CNNM2: variants seen among roughly 807,000 people sequenced by gnomAD.
The protein encoded by CNNM2 is metal transporter CNNM2.
In CNNM2, 12 loss-of-function variants were observed where a neutral mutation model predicts 66.9. The ratio of observed to expected loss-of-function variants is 0.18; its 90% CI spans 0.11 to 0.29. CNNM2 has a LOEUF of 0.29. Ranked by LOEUF, CNNM2 falls within the 10% of genes least tolerant of loss-of-function variation. The pLI is 1.00. For missense variants in CNNM2, 705 were observed against 1,167.7 expected, an observed-to-expected ratio of 0.60 and a Z score of 5.77; for synonymous variants, 557 against 501.8, an observed-to-expected ratio of 1.11 and a Z score of -1.47.
At chr10:103,034,382 G>T (rs2064890165) in intron 1 of CNNM2, among the ~76,000 whole-genome samples, 1 of 151,658 alleles carries the variant, frequency 6.6e-6, no homozygotes, top group Non-Finnish European at 1.5e-5. Flanking sequence ...CTTCAAGCAG[G>T]TTTAAAAACC....
rs78214351 is a variant in CNNM2, at chr10:103,062,931, A to G, written c.2074-5698A>G. On this transcript the variant is annotated intron_variant, in intron 4 of 7. Transcript: ENST00000369878. ...CTTGTTGAACGGCAGATCCTTCAGTATGAAACGAATGCTTCAGTAGGTCTG... is the reference window on the plus strand; with the variant it reads ...CTTGTTGAACGGCAGATCCTTCAGTGTGAAACGAATGCTTCAGTAGGTCTG... Among the ~76,000 whole-genome samples the G allele has an allele frequency of 0.11, 16,026 of 152,266 alleles. 868 individuals are homozygous for G. The highest frequency in any genetic ancestry group is 0.18 in the Middle Eastern group (52 of 294).
At chr10:102,988,479 A>G (rs1384440057) in intron 1 of CNNM2, among the ~76,000 whole-genome samples, 2 of 152,166 alleles carry the variant, frequency 1.3e-5, no homozygotes, top group African/African-American at 4.8e-5. Flanking sequence ...GAAATTCTAT[A>G]GGTCTGGGAT....
chr10:102,947,389 G>C (rs1455554509), intron 1 of CNNM2, among the ~76,000 whole-genome samples: 3 of 152,150 alleles, frequency 2.0e-5, no homozygotes, highest in Admixed American at 6.6e-5. Flanking sequence ...TCATTGTGAT[G>C]ATGTTATATA....
chr10:103,056,160 A>T (rs1160147444), intron 3 of CNNM2, among the ~76,000 whole-genome samples: 2 of 152,136 alleles, frequency 1.3e-5, no homozygotes, highest in African/African-American at 2.4e-5. Flanking sequence ...CTGAGATATC[A>T]TAGAGTCCAG....
intron 4 of CNNM2, among the ~76,000 whole-genome samples, chr10:103,058,442 A>G (rs2134344479): frequency 6.6e-6 from 1 of 152,338 alleles, no homozygotes; most frequent in African/African-American, 2.4e-5. Context: ...TTAATATTAG[A>G]AACTGTGGTT....
intron 1 of CNNM2, among the ~76,000 whole-genome samples, chr10:102,942,703 T>C (rs1487626755): frequency 1.3e-5 from 2 of 152,212 alleles, no homozygotes; most frequent in Non-Finnish European, 2.9e-5. Flanking sequence ...GGTCATATAG[T>C]AATTCTATTC....
chr10:103,021,768 C>A (rs1260837529), intron 1 of CNNM2, among the ~76,000 whole-genome samples: 1 of 148,574 alleles, frequency 6.7e-6, no homozygotes, highest in Non-Finnish European at 1.5e-5. Flanking sequence ...CCCCAGAATA[C>A]AACTCTATGG....
intron 5 of CNNM2, among the ~76,000 whole-genome samples, chr10:103,071,426 C>T (rs1359618810): frequency 6.6e-6 from 1 of 152,168 alleles, no homozygotes; most frequent in Non-Finnish European, 1.5e-5. Flanking sequence ...GCTCTTAGGG[C>T]AGTTGACTAA....
At chr10:103,018,478 T>C (rs1418757893) in intron 1 of CNNM2, among the ~76,000 whole-genome samples, 1 of 152,056 alleles carries the variant, frequency 6.6e-6, no homozygotes, top group Non-Finnish European at 1.5e-5. Flanking sequence ...CACCAGCAGA[T>C]AGATAATGAA....
rs1590517281 is a variant in CNNM2, at chr10:103,077,259, G to T, written c.*79G>T. 7.7e-6 allele frequency: 10 copies of T among 1,296,068 alleles called. No homozygotes were observed. The East Asian group carries it at 2.1e-4, about 27-fold the overall frequency. 80.3% of individuals were successfully genotyped at this position (1,296,068 alleles called of 1,614,324 possible). The stretch of plus-strand genomic sequence containing the variant: ...GCCCTGTCTGCCCATGACTTCACTG[G>T]TGTGAGCTTGTCCGCCATGCTGTAC... On this transcript the variant is annotated 3_prime_UTR_variant, in exon 8 of 8. Transcript: ENST00000369878.
rs571005536 is a variant in CNNM2 at position 103,051,218 on chromosome 10, G to A, written c.1765+1368G>A. On this transcript the variant is annotated intron_variant, in intron 2 of 7. Transcript: ENST00000369878. ...GAGGCCGAGGTGGGTAGATCACAAA[G>A]TCAAGAGATCAAGACCATCCTGGCC... Among the ~76,000 whole-genome samples, 482 of 151,660 alleles carry A rather than the reference G, an allele frequency of 3.2e-3. 3 individuals are homozygous for A. The highest frequency in any genetic ancestry group is 0.011 in the African/African-American group (460 of 41,298).
At chr10:102,998,095 C>A (rs2064038260) in intron 1 of CNNM2, among the ~76,000 whole-genome samples, 1 of 152,172 alleles carries the variant, frequency 6.6e-6, no homozygotes, top group African/African-American at 2.4e-5. Context: ...TCTGATGCCA[C>A]ATTAGTGGGC....
intron 1 of CNNM2, among the ~76,000 whole-genome samples, chr10:102,995,145 CCTCCTCCCCCTCT>C (rs2063967304): frequency 6.9e-6 from 1 of 145,950 alleles, no homozygotes; most frequent in Non-Finnish European, 1.5e-5. Context: ...TCTTATTCTT[CCTCCTCCCCCTCT>C]TCCTCCTCCT....
intron 6 of CNNM2, among the ~76,000 whole-genome samples, chr10:103,073,496 C>G (rs2065630289): frequency 6.6e-6 from 1 of 152,162 alleles, no homozygotes; most frequent in African/African-American, 2.4e-5. Flanking sequence ...TGGGTGAAGT[C>G]ACTGCATGTG....
At position 102,979,923 on chromosome 10, in the gene CNNM2, T is replaced by TA. The variant is rs1422170067; in HGVS notation, c.1621+59822_1621+59823insA. Reference sequence around the variant, plus strand: ...TCCATCTCTTTCTTTTCTTTTTATTTTTTTTTTTGAGACATATTCTTGCTG... The same window carrying TA: ...TCCATCTCTTTCTTTTCTTTTTATTTATTTTTTTTGAGACATATTCTTGCTG... On this transcript the variant is annotated intron_variant, in intron 1 of 7. Transcript: ENST00000369878. Among the ~76,000 whole-genome samples the TA allele has an allele frequency of 9.9e-5, 15 of 152,142 alleles. No individual in the cohort carries two copies. The East Asian group carries it at 2.9e-3, about 29-fold the overall frequency.
Position 103,077,269 on chromosome 10 carries a change from G to A in CNNM2, c.*89G>A. The A allele has an allele frequency of 8.3e-7, 1 of 1,210,778 alleles. No individual in the cohort carries two copies. 75.0% of individuals were successfully genotyped at this position (1,210,778 alleles called of 1,614,324 possible). The stretch of plus-strand genomic sequence containing the variant: ...CCCATGACTTCACTGGTGTGAGCTT[G>A]TCCGCCATGCTGTACCCTGCAACAT... On this transcript the variant is annotated 3_prime_UTR_variant, in exon 8 of 8. Coordinates refer to ENST00000369878, the MANE Select transcript of CNNM2 (RefSeq NM_017649.5).
chr10:102,964,855 T>C (rs1434563028), intron 1 of CNNM2, among the ~76,000 whole-genome samples: 2 of 152,156 alleles, frequency 1.3e-5, no homozygotes, highest in African/African-American at 2.4e-5. Flanking sequence ...CGTGATAGTG[T>C]TAAGCGAGGG....
At chr10:102,928,086 T>C (rs765878823) in intron 1 of CNNM2, among the ~76,000 whole-genome samples, 1 of 152,230 alleles carries the variant, frequency 6.6e-6, no homozygotes, top group South Asian at 2.1e-4. Context: ...TAAGTTTTTT[T>C]CAAAGTAAAA....
intron 1 of CNNM2, among the ~76,000 whole-genome samples, chr10:102,922,280 T>C (rs1252651781): frequency 6.6e-6 from 1 of 152,166 alleles, no homozygotes; most frequent in Admixed American, 6.5e-5. Context: ...TGGATATTTG[T>C]TACTTAAACT....
Sources: gnomAD v4.1 joint callset for allele counts (sites outside exome capture counted in the v4.1 genomes callset) on GRCh38, gnomAD v4.1.1 for gene constraint, MANE v1.5 for transcripts, NCBI Gene and HGNC (gene_info 2026-07-23, HGNC 2026-07-21) for gene names.